The following FGD5 variants were observed in gnomAD, a reference collection of about 807,000 sequenced individuals.
The protein encoded by FGD5 is FYVE, RhoGEF and PH domain-containing protein 5.
FGD5 carries 28 observed loss-of-function variants against 133.4 expected under a neutral mutation model. That is an observed-to-expected ratio of 0.21 (90% CI 0.16 to 0.29). The LOEUF (loss-of-function observed/expected upper bound fraction) is 0.29, where lower values mean the gene tolerates loss of function less well. Among genes scored for constraint, FGD5 ranks in the 10% least tolerant of loss-of-function variants. FGD5 has a pLI of 1.00. For synonymous variants in FGD5, 810 were observed against 776.5 expected (o/e 1.04, Z -0.72); for missense variants, 1,858 against 1,895.2 (o/e 0.98, Z 0.36).
intron 2 of FGD5, among the ~76,000 whole-genome samples, chr3:14,867,805 C>T (rs1208294226): frequency 1.3e-5 from 2 of 152,204 alleles, no homozygotes; most frequent in African/African-American, 2.4e-5. Flanking sequence ...CATCTCCATG[C>T]CCTAGTCACA....
At chr3:14,898,234 A>G (rs1200466109) in intron 6 of FGD5, 139 bp downstream of exon 6, 2 of 1,135,132 alleles carry the variant, frequency 1.8e-6, no homozygotes, top group Non-Finnish European at 2.5e-6. Flanking sequence ...CAGAGGGATG[A>G]GAGGATGACC....
chr3:14,851,170 A>G (rs1159520885), intron 1 of FGD5, among the ~76,000 whole-genome samples: 1 of 151,934 alleles, frequency 6.6e-6, no homozygotes, highest in Admixed American at 6.5e-5. Flanking sequence ...GACTGCCTGT[A>G]GCTCAGACGG....
intron 2 of FGD5, among the ~76,000 whole-genome samples, chr3:14,869,646 A>C (rs892874929): frequency 6.6e-6 from 1 of 152,010 alleles, no homozygotes; most frequent in Non-Finnish European, 1.5e-5. Flanking sequence ...TCCTGTCTCT[A>C]TGAGTTCAGT....
At chr3:14,887,199 G>T (rs1559493829) in intron 4 of FGD5, among the ~76,000 whole-genome samples, 1 of 152,142 alleles carries the variant, frequency 6.6e-6, no homozygotes, top group Non-Finnish European at 1.5e-5. Context: ...CTCTTTTTAG[G>T]TGCTTGTTTG....
chr3:14,864,341 T>C, intron 2 of FGD5, 81 bp downstream of exon 2: 2 of 1,596,952 alleles, frequency 1.3e-6, no homozygotes, highest in Non-Finnish European at 1.7e-6. Flanking sequence ...CTCCTTCCCT[T>C]GGTGCGGACG....
Position 14,864,174 on chromosome 3 carries a change from C to A in FGD5, c.2572C>A (p.Pro858Thr), listed in dbSNP as rs1275896724. 1.2e-6 allele frequency: 2 copies of A among 1,613,998 alleles called. No individual in the cohort carries two copies. Among genetic ancestry groups the A allele is most frequent in the East Asian group, 4.5e-5 (2 of 44,888 alleles). Residue 858 changes from proline (P) to threonine (T), a missense_variant, in exon 2 of 20, where the codon CCC (proline) becomes ACC (threonine). Coordinates refer to ENST00000285046, the MANE Select transcript of FGD5 (RefSeq NM_152536.4). ...AGTCTGTCCCATCTCGTCGGCAGCCCCCAAAGAGGACCTTACGTCGGATGA... is the reference window on the plus strand; with the variant it reads ...AGTCTGTCCCATCTCGTCGGCAGCCACCAAAGAGGACCTTACGTCGGATGA... ...YKVCPISSAA[P>T]KEDLTSDEEQ... is the part of the protein sequence containing the mutation.
intron 1 of FGD5, among the ~76,000 whole-genome samples, chr3:14,827,775 C>T (rs1365002469): frequency 1.3e-5 from 2 of 152,086 alleles, no homozygotes; most frequent in African/African-American, 2.4e-5. Context: ...CCAGCTGTGC[C>T]TGAGGAGCAA....
At chr3:14,852,665 G>A (rs867495903) in intron 1 of FGD5, among the ~76,000 whole-genome samples, 2 of 152,206 alleles carry the variant, frequency 1.3e-5, no homozygotes, top group Non-Finnish European at 2.9e-5. Flanking sequence ...GGAGGGGTGG[G>A]GATGTCTCTG....
intron 2 of FGD5, among the ~76,000 whole-genome samples, chr3:14,879,515 A>G (rs2037785235): frequency 6.6e-6 from 1 of 152,198 alleles, no homozygotes; most frequent in Admixed American, 6.5e-5. Flanking sequence ...GGGGCTCACC[A>G]TCTGAGGTCA....
rs929121435 is a variant in FGD5, at chr3:14,828,781, G to A, written c.2525+7185G>A. Among the ~76,000 whole-genome samples the A allele has an allele frequency of 5.9e-4, 90 of 151,896 alleles. 1 individual carries two copies. Among genetic ancestry groups the A allele is most frequent in the Non-Finnish European group, 5.9e-4 (40 of 67,988 alleles). ...CAGTTGGCTATGGAGTGGGCAGTAGGGGAGCCTTCAGTATCTGTAGGACAT... is the reference window on the plus strand; with the variant it reads ...CAGTTGGCTATGGAGTGGGCAGTAGAGGAGCCTTCAGTATCTGTAGGACAT... On this transcript the variant is annotated intron_variant, in intron 1 of 19. Coordinates refer to ENST00000285046, the MANE Select transcript of FGD5 (RefSeq NM_152536.4).
chr3:14,870,513 C>T (rs200836833), intron 2 of FGD5, among the ~76,000 whole-genome samples: 1 of 152,216 alleles, frequency 6.6e-6, no homozygotes, highest in African/African-American at 2.4e-5. Context: ...AACAAACATC[C>T]TCTTCCCTGG....
chr3:14,930,736 C>T (rs933286186), intron 18 of FGD5: 8 of 152,164 alleles, frequency 5.3e-5, no homozygotes, highest in Admixed American at 1.3e-4. Flanking sequence ...ATCTTTCAAT[C>T]CATGAACATG....
In FGD5 at chr3:14,934,282, G is replaced by A. The variant is rs2038945826; in HGVS notation, c.*1115G>A. ...CACTTGGGGCTAAATCGCCTCCTGA[G>A]GGTGACTGTTGCTTATTCTGCTGGA... On this transcript the variant is annotated 3_prime_UTR_variant, in exon 20 of 20. Coordinates refer to ENST00000285046, the MANE Select transcript of FGD5 (RefSeq NM_152536.4). The A allele has an allele frequency of 6.6e-6, 1 of 152,124 alleles. No homozygotes were observed. The highest frequency in any genetic ancestry group is 2.4e-5 in the African/African-American group (1 of 41,428). The allele number at this position is 152,124 out of a possible 1,614,324, so 9.4% of individuals were successfully genotyped here.
In FGD5 at chr3:14,922,679, A is replaced by G; in HGVS notation, c.3807+131A>G. ...CCCAGAGTGAGGCATGTTCACACCA[A>G]CCCGAGAGGAACAGATTGCTAATTC... On this transcript the variant is annotated intron_variant, in intron 15 of 19. Coordinates refer to ENST00000285046, the MANE Select transcript of FGD5 (RefSeq NM_152536.4). The surrounding 1 kb of genome is among the most constrained non-coding windows in gnomAD (Gnocchi z 4.1). The G allele has an allele frequency of 1.6e-6, 2 of 1,256,270 alleles. No individual in the cohort carries two copies. The highest frequency in any genetic ancestry group is 2.2e-6 in the Non-Finnish European group (2 of 921,082). 77.8% of individuals were successfully genotyped at this position (1,256,270 alleles called of 1,614,324 possible).
intron 2 of FGD5, among the ~76,000 whole-genome samples, chr3:14,868,352 G>A (rs548423364): frequency 4.6e-5 from 7 of 151,812 alleles, no homozygotes; most frequent in African/African-American, 1.5e-4. Flanking sequence ...CTGTCCTCAC[G>A]CCCTCTGTGG....
intron 1 of FGD5, among the ~76,000 whole-genome samples, chr3:14,831,669 A>G (rs776283361): frequency 3.9e-5 from 6 of 152,202 alleles, no homozygotes; most frequent in Non-Finnish European, 8.8e-5. Flanking sequence ...AGTGTGTTGA[A>G]TTTGGATTTG....
chr3:14,874,163 G>A (rs888188778), intron 2 of FGD5, among the ~76,000 whole-genome samples: 3 of 152,236 alleles, frequency 2.0e-5, no homozygotes, highest in Non-Finnish European at 2.9e-5. Context: ...AGGGCTTGAT[G>A]CTGAATGAAA....
At position 14,898,833 on chromosome 3, in the gene FGD5, C is replaced by T; in HGVS notation, c.3154+7C>T. On this transcript the variant is annotated splice_region_variant and intron_variant, in intron 7 of 19. Transcript: ENST00000285046. Reference sequence around the variant, plus strand: ...TACCAAGTGCTCCTCACAGGTGGGCCCCACAGGAGATCAATGGGGACTGAG... The same window carrying T: ...TACCAAGTGCTCCTCACAGGTGGGCTCCACAGGAGATCAATGGGGACTGAG... 2.5e-6 allele frequency: 4 copies of T among 1,570,644 alleles called. No individual in the cohort carries two copies. The South Asian group carries it at 4.7e-5, about 18-fold the overall frequency.
chr3:14,907,820 AC>A, intron 10 of FGD5, 109 bp downstream of exon 10: 1 of 1,120,264 alleles, frequency 8.9e-7, no homozygotes, highest in African/African-American at 1.6e-5. Context: ...GGTGCTGTCT[AC>A]CCATGGAGGG....
Sources: gnomAD v4.1 joint callset for allele counts (sites outside exome capture counted in the v4.1 genomes callset) on GRCh38, gnomAD v4.1.1 for gene constraint, Gnocchi (gnomAD v3.1) non-coding constraint, MANE v1.5 for transcripts, NCBI Gene and HGNC (gene_info 2026-07-23, HGNC 2026-07-21) for gene names.